ARHGAP44: variants seen among roughly 807,000 people sequenced by gnomAD.
ARHGAP44 encodes rho GTPase-activating protein 44.
A neutral mutation model predicts 106.8 loss-of-function variants in ARHGAP44; 43 were observed. That is an observed-to-expected ratio of 0.40 (90% CI 0.32 to 0.52). The LOEUF (loss-of-function observed/expected upper bound fraction) is 0.52, where lower values mean the gene tolerates loss of function less well. Ranked by LOEUF, ARHGAP44 falls within the 20% of genes least tolerant of loss-of-function variation. The pLI is 0.48. For synonymous variants in ARHGAP44, 439 were observed against 410.3 expected, an observed-to-expected ratio of 1.07 and a Z score of -0.85; for missense variants, 866 against 1,050.5, an observed-to-expected ratio of 0.82 and a Z score of 2.43.
chr17:12,970,160 A>C (rs1356827051), intron 16 of ARHGAP44, among the ~76,000 whole-genome samples: 2 of 151,956 alleles, frequency 1.3e-5, no homozygotes, highest in East Asian at 1.9e-4. Flanking sequence ...TCTGAGAGAG[A>C]GCAGTGGTCC....
chr17:12,800,520 G>C (rs977305825), intron 1 of ARHGAP44, among the ~76,000 whole-genome samples: 1 of 152,186 alleles, frequency 6.6e-6, no homozygotes, highest in African/African-American at 2.4e-5. Flanking sequence ...GGCAGTAAAT[G>C]AGGATGTGAG....
At chr17:12,967,550 AT>A (rs1254710238) in intron 16 of ARHGAP44, among the ~76,000 whole-genome samples, 1 of 152,004 alleles carries the variant, frequency 6.6e-6, no homozygotes, top group Non-Finnish European at 1.5e-5. Context: ...TGCTTGCCCC[AT>A]CACAATACCA....
At chr17:12,887,605 AT>A (rs1288458115) in intron 1 of ARHGAP44, among the ~76,000 whole-genome samples, 2 of 152,004 alleles carry the variant, frequency 1.3e-5, no homozygotes, top group Non-Finnish European at 2.9e-5. Context: ...GTCTATAATT[AT>A]TTTTTTGGTC....
chr17:12,846,663 A>G (rs1414616911), intron 1 of ARHGAP44, among the ~76,000 whole-genome samples: 1 of 152,260 alleles, frequency 6.6e-6, no homozygotes, highest in Non-Finnish European at 1.5e-5. Context: ...GTTTTTGGTT[A>G]TCTTGAAAAC....
In ARHGAP44 at chr17:12,797,192, T is replaced by C. The variant is rs924936555; in HGVS notation, c.53+7301T>C. Among the ~76,000 whole-genome samples the C allele has an allele frequency of 3.3e-5, 5 of 152,322 alleles. No individual in the cohort carries two copies. The East Asian group carries it at 7.7e-4, about 23-fold the overall frequency. Reference sequence around the variant, plus strand: ...ATTTGTGGTTTGTTCTTCAGTGTTATGTCTGGGGATACTTTGCCCAGATGC... The same window carrying C: ...ATTTGTGGTTTGTTCTTCAGTGTTACGTCTGGGGATACTTTGCCCAGATGC... On this transcript the variant is annotated intron_variant, in intron 1 of 20. Coordinates refer to ENST00000379672, the MANE Select transcript of ARHGAP44 (RefSeq NM_014859.6).
intron 3 of ARHGAP44, among the ~76,000 whole-genome samples, chr17:12,901,464 G>A (rs2150928063): frequency 6.6e-6 from 1 of 152,282 alleles, no homozygotes; most frequent in South Asian, 2.1e-4. Flanking sequence ...CATGGTAGAA[G>A]TGAGAGGCCA....
chr17:12,860,806 C>T (rs992681402), intron 1 of ARHGAP44, among the ~76,000 whole-genome samples: 2 of 151,574 alleles, frequency 1.3e-5, no homozygotes, highest in Non-Finnish European at 2.9e-5. Context: ...TTGATTCACG[C>T]AGAGCAGGTG....
intron 18 of ARHGAP44, among the ~76,000 whole-genome samples, chr17:12,974,548 A>T (rs1816400633): frequency 6.6e-6 from 1 of 152,110 alleles, no homozygotes; most frequent in South Asian, 2.1e-4. Flanking sequence ...AGAAGGTGGC[A>T]GCTTGCGAAG....
chr17:12,845,619 C>A (rs1184091788), intron 1 of ARHGAP44, among the ~76,000 whole-genome samples: 1 of 151,990 alleles, frequency 6.6e-6, no homozygotes, highest in Non-Finnish European at 1.5e-5. Context: ...ACCTGTAAAT[C>A]TTTGCGCATA....
At chr17:12,883,570 C>G (rs1027608091) in intron 1 of ARHGAP44, among the ~76,000 whole-genome samples, 8 of 151,948 alleles carry the variant, frequency 5.3e-5, no homozygotes, top group African/African-American at 9.7e-5. Context: ...TCTTTCAACT[C>G]TAAATATTTT....
At chr17:12,858,849 A>G (rs779603996) in intron 1 of ARHGAP44, among the ~76,000 whole-genome samples, 3 of 152,222 alleles carry the variant, frequency 2.0e-5, no homozygotes, top group African/African-American at 4.8e-5. Flanking sequence ...GAGGCCTCAC[A>G]GTCATGGTGG....
chr17:12,969,613 A>G (rs1308077519), intron 16 of ARHGAP44, among the ~76,000 whole-genome samples: 1 of 152,152 alleles, frequency 6.6e-6, no homozygotes, highest in Non-Finnish European at 1.5e-5. Context: ...CGTTATACCC[A>G]AAAAACACAA....
At chr17:12,924,009 C>A (rs769159017) in intron 6 of ARHGAP44, among the ~76,000 whole-genome samples, 12 of 152,320 alleles carry the variant, frequency 7.9e-5, no homozygotes, top group Non-Finnish European at 1.5e-4. Context: ...CAGCATCCTA[C>A]TTCTGATTTA....
intron 1 of ARHGAP44, among the ~76,000 whole-genome samples, chr17:12,847,447 G>A (rs1256480175): frequency 6.7e-6 from 1 of 150,140 alleles, no homozygotes; most frequent in Non-Finnish European, 1.5e-5. Context: ...TGTGCATTTT[G>A]TTCTTACCTC....
At chr17:12,809,969 T>C (rs1473502472) in intron 1 of ARHGAP44, among the ~76,000 whole-genome samples, 1 of 151,748 alleles carries the variant, frequency 6.6e-6, no homozygotes, top group African/African-American at 2.4e-5. Flanking sequence ...GGCTGGAGCC[T>C]GGGAGGGAGA....
chr17:12,876,802 G>A (rs185758101), intron 1 of ARHGAP44, among the ~76,000 whole-genome samples: 5 of 151,240 alleles, frequency 3.3e-5, no homozygotes, highest in African/African-American at 9.7e-5. Context: ...TCCCAGCTAC[G>A]TGGGAGGCTG....
chr17:12,821,296 T>C (rs1268877348), intron 1 of ARHGAP44, among the ~76,000 whole-genome samples: 2 of 152,186 alleles, frequency 1.3e-5, no homozygotes, highest in African/African-American at 4.8e-5. Flanking sequence ...TATCAATTGA[T>C]AGAAAACAAT....
At chr17:12,814,604 A>G (rs1004819164) in intron 1 of ARHGAP44, among the ~76,000 whole-genome samples, 1 of 152,138 alleles carries the variant, frequency 6.6e-6, no homozygotes, top group African/African-American at 2.4e-5. Context: ...TTACTTGAAT[A>G]GAGGCCACCG....
intron 1 of ARHGAP44, among the ~76,000 whole-genome samples, chr17:12,821,845 C>T (rs990371200): frequency 6.6e-6 from 1 of 152,172 alleles, no homozygotes; most frequent in Non-Finnish European, 1.5e-5. Context: ...GATCAACCGA[C>T]TTCCTATAGG....
Sources: allele counts gnomAD v4.1 joint callset (sites outside exome capture counted in the v4.1 genomes callset), GRCh38; gene constraint gnomAD v4.1.1; transcripts MANE v1.5; gene names NCBI Gene and HGNC (gene_info 2026-07-23, HGNC 2026-07-21).